The following PIK3C3 variants were observed in gnomAD, a reference collection of about 807,000 sequenced individuals.
The protein encoded by PIK3C3 is phosphatidylinositol 3-kinase catalytic subunit type 3.
Under a neutral mutation model 126.1 loss-of-function variants are expected in PIK3C3, and 95 were observed. That is an observed-to-expected ratio of 0.75 (90% confidence interval 0.64 to 0.89). PIK3C3 has a LOEUF of 0.89. PIK3C3 is among the 40% of genes least tolerant of loss of function. PIK3C3 has a pLI of 0.00. For synonymous variants in PIK3C3, 374 were observed against 360.0 expected (o/e 1.04, Z -0.44); for missense variants, 829 against 1,063.2 (o/e 0.78, Z 3.06).
At chr18:42,076,165 C>CATATATATATATGCACAT (rs1353014134) in intron 24 of PIK3C3, among the ~76,000 whole-genome samples, 20 of 103,666 alleles carry the variant, frequency 1.9e-4, no homozygotes, top group South Asian at 1.2e-3. Flanking sequence ...TATATATGCA[C>CATATATATATATGCACAT]ATATATATAT....
chr18:42,050,306 T>C (rs1336445603), intron 21 of PIK3C3: 4 of 152,250 alleles, frequency 2.6e-5, no homozygotes, highest in Non-Finnish European at 5.9e-5. Flanking sequence ...TGGAGTTCTA[T>C]GGGATAATCA....
intron 24 of PIK3C3, among the ~76,000 whole-genome samples, chr18:42,076,097 T>TATATGC (rs1410746158): frequency 1.8e-4 from 14 of 79,242 alleles, no homozygotes; most frequent in Non-Finnish European, 9.7e-5. Flanking sequence ...TGCATATATA[T>TATATGC]ATATATATAT....
intron 6 of PIK3C3, 160 bp downstream of exon 6, chr18:41,990,714 CT>C (rs2144353844): frequency 1.8e-6 from 1 of 556,584 alleles, no homozygotes; most frequent in Admixed American, 3.4e-5. Context: ...AATCATATAA[CT>C]ACAACAAGAT....
rs560919446 is a variant in PIK3C3, at chr18:42,060,756, A to C, written c.2432+2705A>C. Among the ~76,000 whole-genome samples, 3 of 152,254 alleles carry C rather than the reference A, an allele frequency of 2.0e-5. No individual in the cohort carries two copies. The East Asian group carries it at 5.8e-4, about 29-fold the overall frequency. On this transcript the variant is annotated intron_variant, in intron 22 of 24. Coordinates refer to ENST00000262039, the MANE Select transcript of PIK3C3 (RefSeq NM_002647.4). Reference sequence around the variant, plus strand: ...CACACCACTGAACTCCAACCTAGACAATAGAGCAAGACTCTGTCTCAAAAA... The same window carrying C: ...CACACCACTGAACTCCAACCTAGACCATAGAGCAAGACTCTGTCTCAAAAA...
chr18:42,016,296 A>G (rs1192337616), intron 12 of PIK3C3, among the ~76,000 whole-genome samples: 1 of 152,188 alleles, frequency 6.6e-6, no homozygotes, highest in East Asian at 1.9e-4. Context: ...CGGTATAACA[A>G]AATATTCAAC....
chr18:42,005,906 C>G (rs999530687), intron 10 of PIK3C3, among the ~76,000 whole-genome samples: 10 of 151,072 alleles, frequency 6.6e-5, no homozygotes, highest in African/African-American at 2.4e-4. Context: ...TAACACTGCT[C>G]AGTCTCTCCA....
At chr18:42,025,436 T>C (rs1237394319) in intron 13 of PIK3C3, 1 of 152,220 alleles carries the variant, frequency 6.6e-6, no homozygotes. Flanking sequence ...CAAGGAAAGT[T>C]TGAGGTAGTG....
chr18:42,073,114 G>A (rs992420468), intron 24 of PIK3C3, among the ~76,000 whole-genome samples: 7 of 152,068 alleles, frequency 4.6e-5, no homozygotes, highest in African/African-American at 1.7e-4. Context: ...TTGTTTTTCA[G>A]AATGACTGTA....
intron 19 of PIK3C3, among the ~76,000 whole-genome samples, chr18:42,042,867 CT>C: frequency 1.3e-5 from 2 of 152,284 alleles, no homozygotes; most frequent in East Asian, 3.9e-4. Context: ...CTTCGTACCT[CT>C]TTTTGGTTTG....
intron 3 of PIK3C3, among the ~76,000 whole-genome samples, chr18:41,964,505 G>A (rs1598848433): frequency 6.6e-6 from 1 of 151,960 alleles, no homozygotes; most frequent in Non-Finnish European, 1.5e-5. Context: ...CATTTAATGG[G>A]CCTGATAAAT....
intron 4 of PIK3C3, among the ~76,000 whole-genome samples, chr18:41,979,387 A>G (rs1464088590): frequency 1.3e-5 from 2 of 152,220 alleles, no homozygotes; most frequent in African/African-American, 2.4e-5. Flanking sequence ...AGAGATGTGA[A>G]TATACTTGCA....
chr18:42,030,158 G>T (rs1236153405), intron 15 of PIK3C3, among the ~76,000 whole-genome samples: 1 of 152,172 alleles, frequency 6.6e-6, no homozygotes, highest in Non-Finnish European at 1.5e-5. Flanking sequence ...AATCTCTAGA[G>T]ATCATTTAGA....
At chr18:42,044,945 A>G (rs989572534) in intron 20 of PIK3C3, among the ~76,000 whole-genome samples, 1 of 152,188 alleles carries the variant, frequency 6.6e-6, no homozygotes, top group Non-Finnish European at 1.5e-5. Flanking sequence ...TTAAACTTGC[A>G]TATTATTTTC....
chr18:42,021,177 T>C (rs1459622562), intron 13 of PIK3C3, among the ~76,000 whole-genome samples: 1 of 152,182 alleles, frequency 6.6e-6, no homozygotes, highest in African/African-American at 2.4e-5. Flanking sequence ...ATTAAATCAT[T>C]TATCTACTGC....
chr18:41,967,920 C>T (rs1020271751), intron 3 of PIK3C3, among the ~76,000 whole-genome samples: 6 of 152,200 alleles, frequency 3.9e-5, no homozygotes, highest in Non-Finnish European at 8.8e-5. Flanking sequence ...TCCTGCTGTG[C>T]TGTTTCTTCT....
chr18:42,054,132 A>ATATCTATATC (rs1984931554), intron 21 of PIK3C3, among the ~76,000 whole-genome samples: 1 of 20,256 alleles, frequency 4.9e-5, no homozygotes, highest in Non-Finnish European at 8.0e-5. Flanking sequence ...AATGGTATAT[A>ATATCTATATC]TATATATATA....
intron 4 of PIK3C3, chr18:41,985,181 G>C (rs556544241): frequency 6.6e-6 from 1 of 152,210 alleles, no homozygotes; most frequent in South Asian, 2.1e-4. Flanking sequence ...TGATAAGTGA[G>C]ACTACAAGAA....
chr18:42,064,467 T>C (rs1021605876), intron 22 of PIK3C3, among the ~76,000 whole-genome samples: 1 of 152,130 alleles, frequency 6.6e-6, no homozygotes, highest in Non-Finnish European at 1.5e-5. Context: ...ATATATATAC[T>C]TACTAAAAAA....
At chr18:42,073,870 G>C (rs954224079) in intron 24 of PIK3C3, among the ~76,000 whole-genome samples, 2 of 151,938 alleles carry the variant, frequency 1.3e-5, no homozygotes, top group African/African-American at 4.8e-5. Flanking sequence ...TGAGTCTCTT[G>C]GTTTTCAGAA....
Sources: allele counts gnomAD v4.1 joint callset (sites outside exome capture counted in the v4.1 genomes callset), GRCh38; gene constraint gnomAD v4.1.1; transcripts MANE v1.5; gene names NCBI Gene and HGNC (gene_info 2026-07-23, HGNC 2026-07-21).